RBFOX1: variants seen among roughly 807,000 people sequenced by gnomAD.
RBFOX1 encodes RNA binding fox-1 homolog 1, also known as RNA binding protein fox-1 homolog 1.
RBFOX1 carries 8 observed loss-of-function variants against 57.7 expected under a neutral mutation model. The ratio of observed to expected loss-of-function variants is 0.14; its 90% CI spans 0.08 to 0.25. The LOEUF is 0.25. RBFOX1 is among the 10% of genes least tolerant of loss of function. RBFOX1 has a pLI of 1.00. For missense variants in RBFOX1, 611 were observed against 548.5 expected, an observed-to-expected ratio of 1.11 and a Z score of -1.14; for synonymous variants, 326 against 222.4, an observed-to-expected ratio of 1.47 and a Z score of -4.15.
At chr16:7,050,003 ACTC>A (rs1297669243) in intron 3 of RBFOX1, among the ~76,000 whole-genome samples, 1 of 151,958 alleles carries the variant, frequency 6.6e-6, no homozygotes, top group African/African-American at 2.4e-5. Flanking sequence ...TTAAGCAGTC[ACTC>A]CTCCTTTTCC....
At chr16:6,001,392 C>G (rs909325214) in intron 4 of RBFOX1, among the ~76,000 whole-genome samples, 2 of 152,128 alleles carry the variant, frequency 1.3e-5, no homozygotes, top group African/African-American at 4.8e-5. Flanking sequence ...GCTTGTGGAG[C>G]TCTGCAATGT....
intron 1 of RBFOX1, chr16:5,366,419 C>T (rs2065717184): frequency 4.5e-6 from 2 of 446,092 alleles, no homozygotes; most frequent in Non-Finnish European, 8.6e-6. Context: ...CAAAAATGCA[C>T]ACAAGTCAAA....
intron 14 of RBFOX1, among the ~76,000 whole-genome samples, chr16:7,701,816 A>G (rs1461606204): frequency 6.6e-6 from 1 of 152,240 alleles, no homozygotes; most frequent in Admixed American, 6.5e-5. Context: ...TGACCCTTGT[A>G]GAGTGAAAGT....
intron 2 of RBFOX1, among the ~76,000 whole-genome samples, chr16:5,530,190 C>G (rs1481649951): frequency 6.6e-6 from 1 of 152,164 alleles, no homozygotes. Context: ...TTGAAAGAAC[C>G]TTATTCCCAG....
At position 7,155,072 on chromosome 16, in the gene RBFOX1, T is replaced by G. The variant is rs74009261; in HGVS notation, c.27+102974T>G. Among the ~76,000 whole-genome samples, 1,437 of 152,278 alleles carry G rather than the reference T, an allele frequency of 9.4e-3. 28 individuals are homozygous for G. Among genetic ancestry groups the G allele is most frequent in the African/African-American group, 0.033 (1,358 of 41,552 alleles). On this transcript the variant is annotated intron_variant, in intron 4 of 15. Coordinates refer to ENST00000550418, the MANE Select transcript of RBFOX1 (RefSeq NM_018723.4). ...GGAGGGCATCTTATGTGTGTGTGTT[T>G]CTTCAAGGTATCAATGCAAACTCTC...
chr16:5,756,025 C>G (rs1005758318), intron 3 of RBFOX1, among the ~76,000 whole-genome samples: 1 of 152,036 alleles, frequency 6.6e-6, no homozygotes, highest in Non-Finnish European at 1.5e-5. Context: ...TTCATATTTG[C>G]TGCAGTGGAA....
chr16:7,053,675 T>C (rs2050887257), intron 4 of RBFOX1, among the ~76,000 whole-genome samples: 1 of 152,152 alleles, frequency 6.6e-6, no homozygotes, highest in South Asian at 2.1e-4. Flanking sequence ...TATGAGTCCA[T>C]TGTCGACAGG....
At chr16:5,786,598 C>T (rs1306433381) in intron 3 of RBFOX1, among the ~76,000 whole-genome samples, 1 of 152,092 alleles carries the variant, frequency 6.6e-6, no homozygotes, top group Non-Finnish European at 1.5e-5. Flanking sequence ...TTTCCAAGAC[C>T]TCTGCACCTG....
rs954939498 is a variant in RBFOX1, at chr16:6,447,956, T to A, written c.-64+130899T>A. On this transcript the variant is annotated intron_variant, in intron 2 of 15. Coordinates refer to ENST00000550418, the MANE Select transcript of RBFOX1 (RefSeq NM_018723.4). The stretch of plus-strand genomic sequence containing the variant: ...AGTTAATTAATTATCTGTGTTACAA[T>A]AACAAGATATTTCAGACAAGAGTCT... 1.4e-5 allele frequency among the ~76,000 whole-genome samples: 2 copies of A among 141,314 alleles called. 1 individual carries two copies. Among genetic ancestry groups the A allele is most frequent in the South Asian group, 4.7e-4 (2 of 4,294 alleles). The allele number at this position is 141,314 out of a possible 152,430, so 92.7% of individuals were successfully genotyped here.
chr16:6,494,845 C>T (rs922954302), intron 2 of RBFOX1, among the ~76,000 whole-genome samples: 5 of 152,270 alleles, frequency 3.3e-5, no homozygotes, highest in African/African-American at 9.6e-5. Flanking sequence ...TACATAAACA[C>T]GGCACTAAAT....
At chr16:7,040,573 T>C (rs941376681) in intron 3 of RBFOX1, among the ~76,000 whole-genome samples, 1 of 152,350 alleles carries the variant, frequency 6.6e-6, no homozygotes, top group Non-Finnish European at 1.5e-5. Context: ...TCTTCTCCAC[T>C]ATTGGTCTGG....
At chr16:7,338,961 G>A (rs966995190) in intron 4 of RBFOX1, among the ~76,000 whole-genome samples, 4 of 152,182 alleles carry the variant, frequency 2.6e-5, no homozygotes, top group Admixed American at 6.5e-5. Context: ...TGCTGGTGGC[G>A]TCATTTACTC....
chr16:7,083,750 G>A (rs531195788), intron 4 of RBFOX1, among the ~76,000 whole-genome samples: 7 of 152,068 alleles, frequency 4.6e-5, no homozygotes, highest in Admixed American at 2.0e-4. Context: ...CCTGGGAGAA[G>A]GTAGTGCCCA....
intron 1 of RBFOX1, among the ~76,000 whole-genome samples, chr16:6,047,752 G>A (rs2095510543): frequency 1.3e-5 from 2 of 152,128 alleles, no homozygotes. Flanking sequence ...TACTTACTAC[G>A]TTCAGACTTG....
intron 3 of RBFOX1, among the ~76,000 whole-genome samples, chr16:6,995,760 TAAAA>T (rs1281759985): frequency 6.6e-6 from 1 of 151,818 alleles, no homozygotes; most frequent in Non-Finnish European, 1.5e-5. Flanking sequence ...GACTCCATCT[TAAAA>T]AAATAATAAT....
At chr16:6,821,261 C>A (rs1208981544) in intron 3 of RBFOX1, among the ~76,000 whole-genome samples, 1 of 152,180 alleles carries the variant, frequency 6.6e-6, no homozygotes, top group Non-Finnish European at 1.5e-5. Flanking sequence ...TTACATCTAA[C>A]CAGGGCTATC....
At chr16:6,956,404 C>T (rs62019563) in intron 3 of RBFOX1, among the ~76,000 whole-genome samples, 42,543 of 152,120 alleles carry the variant, frequency 0.28, 6,674 homozygotes, top group African/African-American at 0.43. Context: ...GAGCAGGCTC[C>T]GCTGTCTTCC....
chr16:7,359,511 G>T (rs1481540608), intron 4 of RBFOX1, among the ~76,000 whole-genome samples: 1 of 152,184 alleles, frequency 6.6e-6, no homozygotes, highest in African/African-American at 2.4e-5. Context: ...CTCAGGAAGG[G>T]AGCAGTAATT....
chr16:6,787,350 C>G (rs1276989678), intron 3 of RBFOX1, among the ~76,000 whole-genome samples: 1 of 152,176 alleles, frequency 6.6e-6, no homozygotes, highest in Admixed American at 6.5e-5. Context: ...TAAAGAAGTT[C>G]TTTCAACTTA....
Sources: gnomAD v4.1 joint callset for allele counts (sites outside exome capture counted in the v4.1 genomes callset) on GRCh38, gnomAD v4.1.1 for gene constraint, MANE v1.5 for transcripts, NCBI Gene and HGNC (gene_info 2026-07-23, HGNC 2026-07-21) for gene names.